The following CLCN5 variants were observed in gnomAD, a reference collection of about 807,000 sequenced individuals.
The protein encoded by CLCN5 is Cl-/H+ antiporter 5.
A neutral mutation model predicts 54.0 loss-of-function variants in CLCN5; 17 were observed. That is an observed-to-expected ratio of 0.31 (90% CI 0.22 to 0.47). The LOEUF (loss-of-function observed/expected upper bound fraction) is 0.47, where lower values mean the gene tolerates loss of function less well. Ranked by LOEUF, CLCN5 falls within the 20% of genes least tolerant of loss-of-function variation. The pLI is 1.00. For synonymous variants in CLCN5, 222 were observed against 233.0 expected, an observed-to-expected ratio of 0.95 and a Z score of 0.43; for missense variants, 448 against 646.7, an observed-to-expected ratio of 0.69 and a Z score of 3.33.
At chrX:50,056,764 G>A (rs1045639957) in intron 4 of CLCN5, among the ~76,000 whole-genome samples, 1 of 111,930 alleles carries the variant, frequency 8.9e-6, no homozygotes, top group African/African-American at 3.2e-5. Context: ...TGGGAGTAAA[G>A]AGTCAGAAGG....
intron 3 of CLCN5, among the ~76,000 whole-genome samples, chrX:49,947,977 C>G (rs1160088220): frequency 7.2e-5 from 8 of 110,981 alleles, no homozygotes; most frequent in Admixed American, 5.8e-4. Flanking sequence ...TGAAACTTCC[C>G]TCCCTTGGCC....
intron 3 of CLCN5, among the ~76,000 whole-genome samples, chrX:49,958,888 G>A (rs1282093221): frequency 9.0e-6 from 1 of 111,540 alleles, no homozygotes; most frequent in Non-Finnish European, 1.9e-5. Context: ...TTGCTCGCTC[G>A]CTCTGTCTCT....
intron 3 of CLCN5, among the ~76,000 whole-genome samples, chrX:49,970,099 A>G (rs1323246787): frequency 1.8e-5 from 2 of 111,331 alleles, no homozygotes; most frequent in Non-Finnish European, 3.8e-5. Flanking sequence ...AGTGTGCTAT[A>G]TCCTTTCCTA....
intron 3 of CLCN5, among the ~76,000 whole-genome samples, chrX:49,981,647 T>C (rs1380468862): frequency 9.0e-6 from 1 of 110,913 alleles, no homozygotes; most frequent in African/African-American, 3.3e-5. Context: ...TATTACTAAA[T>C]TTATTCCTTT....
chrX:50,018,151 G>A (rs1224112661), intron 3 of CLCN5, among the ~76,000 whole-genome samples: 1 of 111,676 alleles, frequency 9.0e-6, no homozygotes, highest in Non-Finnish European at 1.9e-5. Context: ...TTTCATCTGA[G>A]TTTTGTAGTT....
At chrX:50,078,128 G>C (rs1471406421) in intron 7 of CLCN5, among the ~76,000 whole-genome samples, 32 of 110,361 alleles carry the variant, frequency 2.9e-4, no homozygotes, top group African/African-American at 9.9e-4. Flanking sequence ...ATCCCTCGGG[G>C]CCAGGAGTTT....
intron 4 of CLCN5, among the ~76,000 whole-genome samples, chrX:50,047,447 C>T (rs193075473): frequency 9.0e-6 from 1 of 111,480 alleles, no homozygotes; most frequent in Admixed American, 9.5e-5. Flanking sequence ...TATGCTGGAT[C>T]TTTAAAATGA....
intron 9 of CLCN5, among the ~76,000 whole-genome samples, chrX:50,084,128 C>A (rs1031517207): frequency 8.9e-6 from 1 of 111,891 alleles, no homozygotes; most frequent in Non-Finnish European, 1.9e-5. Context: ...CTTAGATGGT[C>A]TAGCCTACTA....
intron 3 of CLCN5, among the ~76,000 whole-genome samples, chrX:49,997,978 T>C (rs1262471165): frequency 4.5e-5 from 5 of 111,175 alleles, no homozygotes; most frequent in Non-Finnish European, 9.4e-5. Flanking sequence ...AGCTAAACAG[T>C]TGGGGTCAGG....
At chrX:49,965,163 C>T (rs1248786988) in intron 3 of CLCN5, among the ~76,000 whole-genome samples, 2 of 111,541 alleles carry the variant, frequency 1.8e-5, no homozygotes, top group Non-Finnish European at 3.8e-5. Context: ...ATCAGAGTAA[C>T]AAAGGGGCTG....
At chrX:50,086,180 C>G (rs961611184) in intron 10 of CLCN5, 120 bp downstream of exon 10, 1 of 865,764 alleles carries the variant, frequency 1.2e-6, no homozygotes, top group African/African-American at 2.0e-5. Flanking sequence ...CCTGAGTGCT[C>G]TCCCCAACTT....
At chrX:50,071,211 G>A (rs1178627927) in intron 5 of CLCN5, among the ~76,000 whole-genome samples, 1 of 110,935 alleles carries the variant, frequency 9.0e-6, no homozygotes, top group African/African-American at 3.3e-5. Flanking sequence ...GTTGTCCCAA[G>A]TACAGGTTTT....
chrX:50,060,915 A>C (rs1602099924), intron 4 of CLCN5, among the ~76,000 whole-genome samples: 1 of 86,410 alleles, frequency 1.2e-5, no homozygotes, highest in Non-Finnish European at 2.2e-5. Context: ...CTCACACGGC[A>C]GGGTATTCCA....
chrX:50,077,878 A>C (rs1933506645), intron 7 of CLCN5, among the ~76,000 whole-genome samples: 1 of 100,025 alleles, frequency 1.0e-5, no homozygotes, highest in African/African-American at 3.6e-5. Context: ...TATATATAAA[A>C]TTAGCCAGGC....
At chrX:50,066,172 A>G (rs1457228133) in intron 4 of CLCN5, among the ~76,000 whole-genome samples, 5 of 106,662 alleles carry the variant, frequency 4.7e-5, no homozygotes, top group African/African-American at 1.8e-4. Flanking sequence ...TTAAAAAAAA[A>G]AAAAAAAGAA....
chrX:49,936,249 G>T (rs1258457270), intron 3 of CLCN5, among the ~76,000 whole-genome samples: 1 of 111,720 alleles, frequency 9.0e-6, no homozygotes, highest in Non-Finnish European at 1.9e-5. Flanking sequence ...CTGATGTACT[G>T]TGTTCTTACA....
intron 4 of CLCN5, among the ~76,000 whole-genome samples, chrX:50,064,983 T>G (rs1932945159): frequency 1.8e-5 from 2 of 111,391 alleles, no homozygotes; most frequent in Non-Finnish European, 3.8e-5. Context: ...ACTGGATCCC[T>G]TCCTTATGCC....
intron 3 of CLCN5, among the ~76,000 whole-genome samples, chrX:50,033,202 C>A (rs1931808391): frequency 9.0e-6 from 1 of 110,792 alleles, no homozygotes. Context: ...AAAGGGTATT[C>A]AATTAGGAAA....
chrX:50,014,697 A>G, intron 3 of CLCN5: 1 of 332,040 alleles, frequency 3.0e-6, no homozygotes, highest in South Asian at 2.7e-5. Flanking sequence ...CTGTACCAAG[A>G]AGGACAGAGA....
Sources: gnomAD v4.1 joint callset for allele counts (sites outside exome capture counted in the v4.1 genomes callset) on GRCh38, gnomAD v4.1.1 for gene constraint, MANE v1.5 for transcripts, NCBI Gene and HGNC (gene_info 2026-07-23, HGNC 2026-07-21) for gene names.